Variants in DEFB123 observed in about 807,000 individuals in gnomAD.
The protein encoded by DEFB123 is defensin beta 123.
For synonymous variants in DEFB123, 22 were observed against 28.3 expected, an observed-to-expected ratio of 0.78 and a Z score of 0.71; for missense variants, 71 against 75.0, an observed-to-expected ratio of 0.95 and a Z score of 0.20.
intron 1 of DEFB123, among the ~76,000 whole-genome samples, chr20:31,446,543 C>A (rs78518343): frequency 6.6e-6 from 1 of 152,186 alleles, no homozygotes; most frequent in Non-Finnish European, 1.5e-5. Flanking sequence ...GCACTTTGTT[C>A]TTTTGTTAAT....
chr20:31,449,958 T>C lies in DEFB123; in HGVS notation c.59-71T>C, dbSNP rs1384244103. 3.3e-6 allele frequency: 5 copies of C among 1,496,110 alleles called. No individual in the cohort carries two copies. In the Admixed American group the frequency reaches 1.2e-4, roughly 36 times the overall value. 92.7% of individuals were successfully genotyped at this position (1,496,110 alleles called of 1,614,324 possible). ...TCTATCTCATCTGTTTCCATTCTTT[T>C]ACAGACCTTTCAAATCCGGAGCCTA... On this transcript the variant is annotated intron_variant, in intron 1 of 1. Coordinates refer to ENST00000376309, the MANE Select transcript of DEFB123 (RefSeq NM_153324.4).
chr20:31,441,311 A>G (rs1979457849), intron 1 of DEFB123, among the ~76,000 whole-genome samples: 1 of 152,176 alleles, frequency 6.6e-6, no homozygotes, highest in Non-Finnish European at 1.5e-5. Flanking sequence ...GGTCCAGCCC[A>G]GGCTGAGGGA....
At chr20:31,442,006 C>G (rs540466734) in intron 1 of DEFB123, among the ~76,000 whole-genome samples, 1 of 152,202 alleles carries the variant, frequency 6.6e-6, no homozygotes, top group South Asian at 2.1e-4. Context: ...TCTATTTTCT[C>G]TAACTCACCA....
chr20:31,445,319 AT>A, intron 1 of DEFB123, among the ~76,000 whole-genome samples: 1 of 152,176 alleles, frequency 6.6e-6, no homozygotes. Context: ...AGATCCATTA[AT>A]TTTTTGGCCA....
chr20:31,442,325 A>G (rs1778853630), intron 1 of DEFB123, among the ~76,000 whole-genome samples: 1 of 152,204 alleles, frequency 6.6e-6, no homozygotes, highest in African/African-American at 2.4e-5. Flanking sequence ...GGGAAAAGTA[A>G]CTTGATATGT....
intron 1 of DEFB123, among the ~76,000 whole-genome samples, chr20:31,447,060 T>G (rs917091736): frequency 4.0e-5 from 6 of 151,826 alleles, no homozygotes; most frequent in African/African-American, 1.5e-4. Flanking sequence ...GTCAGGAGTT[T>G]GAGACCAGCC....
At chr20:31,444,534 A>C (rs1326445871) in intron 1 of DEFB123, among the ~76,000 whole-genome samples, 1 of 152,172 alleles carries the variant, frequency 6.6e-6, no homozygotes, top group Non-Finnish European at 1.5e-5. Context: ...GACTGTGTAT[A>C]GTTTTAAAAT....
At chr20:31,449,913 G>C in intron 1 of DEFB123, 116 bp from the exon 2 acceptor site, 1 of 1,308,314 alleles carries the variant, frequency 7.6e-7, no homozygotes. Context: ...AGAGTCAAAG[G>C]CAAGGGAAAC....
intron 1 of DEFB123, among the ~76,000 whole-genome samples, chr20:31,447,674 T>C (rs906312865): frequency 1.5e-4 from 22 of 151,024 alleles, no homozygotes; most frequent in African/African-American, 4.9e-4. Flanking sequence ...TAGAGTGCAG[T>C]GGCGTGACCA....
At chr20:31,448,247 C>T (rs1326563314) in intron 1 of DEFB123, among the ~76,000 whole-genome samples, 1 of 152,076 alleles carries the variant, frequency 6.6e-6, no homozygotes, top group Non-Finnish European at 1.5e-5. Context: ...CTCCTATGTA[C>T]ATAACGTGTC....
intron 1 of DEFB123, among the ~76,000 whole-genome samples, chr20:31,448,693 A>C (rs1226928048): frequency 1.3e-5 from 2 of 151,820 alleles, no homozygotes; most frequent in African/African-American, 4.8e-5. Flanking sequence ...CAACTATTCC[A>C]TGTGAATATA....
intron 1 of DEFB123, among the ~76,000 whole-genome samples, chr20:31,446,737 A>G (rs1979593882): frequency 6.6e-6 from 1 of 152,190 alleles, no homozygotes; most frequent in African/African-American, 2.4e-5. Context: ...ACCTTAAAAC[A>G]GTATACTGTA....
At chr20:31,447,830 A>G (rs1394536880) in intron 1 of DEFB123, among the ~76,000 whole-genome samples, 1 of 114,184 alleles carries the variant, frequency 8.8e-6, no homozygotes, top group Non-Finnish European at 1.6e-5. Context: ...TCTGTCGCCC[A>G]GGCTGGAGTG....
In DEFB123 at chr20:31,446,614, G is replaced by A. The variant is rs190227290; in HGVS notation, c.59-3415G>A. Among the ~76,000 whole-genome samples, 20 of 152,290 alleles carry A rather than the reference G, an allele frequency of 1.3e-4. No individual in the cohort carries two copies. The East Asian group carries it at 3.5e-3, about 26-fold the overall frequency. On this transcript the variant is annotated intron_variant, in intron 1 of 1. Coordinates refer to ENST00000376309, the MANE Select transcript of DEFB123 (RefSeq NM_153324.4). Reference sequence around the variant, plus strand: ...CTGGAGTGACGAGATATTCTAGGCCGGTCTTGTGCAGTTCCTGCACCAGGT... The same window carrying A: ...CTGGAGTGACGAGATATTCTAGGCCAGTCTTGTGCAGTTCCTGCACCAGGT...
intron 1 of DEFB123, among the ~76,000 whole-genome samples, chr20:31,443,589 C>A (rs1213273177): frequency 6.6e-6 from 1 of 152,226 alleles, no homozygotes; most frequent in African/African-American, 2.4e-5. Context: ...CTTGCCCCTA[C>A]CTTTCTCACA....
At position 31,447,780 on chromosome 20, in the gene DEFB123, C is replaced by CTTTTT. The variant is rs34763122; in HGVS notation, c.59-2229_59-2225dup. 2.3e-3 allele frequency among the ~76,000 whole-genome samples: 151 copies of CTTTTT among 64,490 alleles called. 6 individuals carry two copies. The highest frequency in any genetic ancestry group is 5.5e-3 in the East Asian group (10 of 1,826). The allele number at this position is 64,490 out of a possible 152,430, so 42.3% of individuals were successfully genotyped here. On this transcript the variant is annotated intron_variant, in intron 1 of 1. Coordinates refer to ENST00000376309, the MANE Select transcript of DEFB123 (RefSeq NM_153324.4). ...TACAGGTGCACACCAACACACCCGG[C>CTTTTT]TTTTTTTTTTTTTTTTTTTTTTTTG...
intron 1 of DEFB123, among the ~76,000 whole-genome samples, chr20:31,449,661 G>A (rs1047855298): frequency 1.3e-5 from 2 of 151,364 alleles, no homozygotes; most frequent in Non-Finnish European, 2.9e-5. Flanking sequence ...CTAGCTCCTC[G>A]GGGAAACTCA....
chr20:31,447,255 C>T (rs950342941), intron 1 of DEFB123, among the ~76,000 whole-genome samples: 12 of 151,830 alleles, frequency 7.9e-5, no homozygotes, highest in Admixed American at 2.0e-4. Flanking sequence ...GAGCAAGACT[C>T]CATCTCAAAA....
intron 1 of DEFB123, among the ~76,000 whole-genome samples, chr20:31,447,871 C>G (rs1390640914): frequency 1.3e-5 from 2 of 148,648 alleles, no homozygotes; most frequent in Admixed American, 6.8e-5. Context: ...ACTGCAAGCT[C>G]TGCCTCCCGG....
Sources: gnomAD v4.1 joint callset for allele counts (sites outside exome capture counted in the v4.1 genomes callset) on GRCh38, gnomAD v4.1.1 for gene constraint, MANE v1.5 for transcripts, NCBI Gene and HGNC (gene_info 2026-07-23, HGNC 2026-07-21) for gene names.